Variants in XKR6 observed in about 807,000 individuals in gnomAD.
XKR6 encodes XK-related protein 6.
In XKR6, 22 loss-of-function variants were observed where a neutral mutation model predicts 56.7. The ratio of observed to expected loss-of-function variants is 0.39; its 90% CI spans 0.28 to 0.55. The LOEUF (loss-of-function observed/expected upper bound fraction) is 0.55. Among genes scored for constraint, XKR6 ranks in the 20% least tolerant of loss-of-function variants. XKR6 has a pLI of 0.66. For missense variants in XKR6, 852 were observed against 889.0 expected (o/e 0.96, Z 0.53); for synonymous variants, 524 against 387.8 (o/e 1.35, Z -4.13).
At chr8:10,971,249 A>G (rs941052168) in intron 1 of XKR6, among the ~76,000 whole-genome samples, 5 of 151,612 alleles carry the variant, frequency 3.3e-5, no homozygotes, top group Non-Finnish European at 5.9e-5. Context: ...GCGAAACTCC[A>G]CCTCTACTAA....
chr8:10,914,534 A>C (rs1800500149), intron 2 of XKR6, among the ~76,000 whole-genome samples: 1 of 152,122 alleles, frequency 6.6e-6, no homozygotes. Context: ...TGCTGCCTAC[A>C]ACTTACTGTG....
At chr8:10,963,609 A>G (rs983017099) in intron 1 of XKR6, among the ~76,000 whole-genome samples, 1 of 151,342 alleles carries the variant, frequency 6.6e-6, no homozygotes, top group African/African-American at 2.4e-5. Context: ...CGGTATGGTC[A>G]TGGAGCACTG....
intron 1 of XKR6, chr8:11,109,653 G>C (rs1221348761): frequency 6.6e-6 from 1 of 152,134 alleles, no homozygotes; most frequent in East Asian, 1.9e-4. Flanking sequence ...TTATTCTTAG[G>C]CTCTGAAGTT....
At chr8:11,008,731 G>C (rs79707472) in intron 1 of XKR6, among the ~76,000 whole-genome samples, 225 of 152,184 alleles carry the variant, frequency 1.5e-3, no homozygotes, top group African/African-American at 5.3e-3. Context: ...ACTTTCCAAA[G>C]GGTTCACCGG....
intron 1 of XKR6, among the ~76,000 whole-genome samples, chr8:11,054,195 G>C (rs1239816470): frequency 6.6e-6 from 1 of 152,170 alleles, no homozygotes; most frequent in Non-Finnish European, 1.5e-5. Context: ...CATGCAAGGG[G>C]AGCCATATCC....
intron 2 of XKR6, among the ~76,000 whole-genome samples, chr8:10,915,299 G>C (rs1038024935): frequency 6.6e-6 from 1 of 152,190 alleles, no homozygotes; most frequent in African/African-American, 2.4e-5. Flanking sequence ...GTGAATCAAC[G>C]TTCCACCTGC....
At chr8:11,099,604 T>A (rs915001488) in intron 1 of XKR6, among the ~76,000 whole-genome samples, 18 of 152,248 alleles carry the variant, frequency 1.2e-4, no homozygotes, top group Admixed American at 3.3e-4. Flanking sequence ...AATCTCCAAG[T>A]TTCCTTGCAA....
At chr8:11,071,331 C>A (rs1800108412) in intron 1 of XKR6, among the ~76,000 whole-genome samples, 1 of 152,164 alleles carries the variant, frequency 6.6e-6, no homozygotes, top group South Asian at 2.1e-4. Context: ...CCTCCACCTC[C>A]TGGGTTCAAG....
intron 1 of XKR6, among the ~76,000 whole-genome samples, chr8:11,189,584 G>C (rs560451827): frequency 1.3e-5 from 2 of 152,096 alleles, no homozygotes; most frequent in African/African-American, 4.8e-5. Flanking sequence ...GATGCCTAGT[G>C]ATAAAAAGTT....
intron 1 of XKR6, among the ~76,000 whole-genome samples, chr8:10,972,831 A>G (rs994327784): frequency 2.0e-5 from 3 of 151,966 alleles, no homozygotes; most frequent in Admixed American, 2.0e-4. Context: ...ATGCCACAGA[A>G]CCGCACACTT....
intron 1 of XKR6, among the ~76,000 whole-genome samples, chr8:11,159,926 G>C (rs1801709565): frequency 1.3e-5 from 2 of 152,128 alleles, no homozygotes; most frequent in African/African-American, 4.8e-5. Context: ...CCAAGGGCAA[G>C]CCAAAAGCAG....
intron 1 of XKR6, chr8:11,124,865 A>C (rs1799682873): frequency 1.3e-5 from 2 of 151,680 alleles, no homozygotes; most frequent in African/African-American, 2.4e-5. Flanking sequence ...CAGGTGAATC[A>C]TGAGCTCAGG....
At chr8:11,197,796 T>G (rs1803971086) in intron 1 of XKR6, among the ~76,000 whole-genome samples, 1 of 150,794 alleles carries the variant, frequency 6.6e-6, no homozygotes, top group Non-Finnish European at 1.5e-5. Flanking sequence ...TTTGCCATCT[T>G]GACAGGAATG....
intron 1 of XKR6, among the ~76,000 whole-genome samples, chr8:11,157,106 T>G (rs34208825): frequency 0.46 from 70,370 of 151,948 alleles, 17,247 homozygotes; most frequent in Middle Eastern, 0.55. Flanking sequence ...AAAAATGTCA[T>G]ACTAACCCAA....
At chr8:10,920,870 C>T (rs1286607921) in intron 2 of XKR6, among the ~76,000 whole-genome samples, 3 of 152,236 alleles carry the variant, frequency 2.0e-5, no homozygotes, top group Non-Finnish European at 4.4e-5. Context: ...ATATATTTAA[C>T]CACAAAAGGC....
chr8:11,073,855 C>T (rs1800197051), intron 1 of XKR6, among the ~76,000 whole-genome samples: 1 of 152,126 alleles, frequency 6.6e-6, no homozygotes, highest in African/African-American at 2.4e-5. Flanking sequence ...TTGAGGCCGA[C>T]TATTCAATCT....
intron 1 of XKR6, among the ~76,000 whole-genome samples, chr8:10,929,012 T>A (rs1800982432): frequency 6.6e-6 from 1 of 152,210 alleles, no homozygotes; most frequent in African/African-American, 2.4e-5. Context: ...GGGCCTGGTC[T>A]ATGGTCTGCG....
intron 1 of XKR6, among the ~76,000 whole-genome samples, chr8:11,151,919 A>G (rs1373599898): frequency 6.6e-6 from 1 of 152,096 alleles, no homozygotes; most frequent in Middle Eastern, 3.2e-3. Context: ...ACTTGTTGGG[A>G]AGGAAAAAAA....
chr8:11,131,483 G>T (rs972875590), intron 1 of XKR6, among the ~76,000 whole-genome samples: 1 of 152,146 alleles, frequency 6.6e-6, no homozygotes, highest in Non-Finnish European at 1.5e-5. Flanking sequence ...ACTTCATGAT[G>T]TAAATAAAGC....
Sources: gnomAD v4.1 joint callset for allele counts (sites outside exome capture counted in the v4.1 genomes callset) on GRCh38, gnomAD v4.1.1 for gene constraint, MANE v1.5 for transcripts, NCBI Gene and HGNC (gene_info 2026-07-23, HGNC 2026-07-21) for gene names.